The following DENND1A variants were observed in gnomAD, a reference collection of about 807,000 sequenced individuals.
DENND1A encodes the protein DENN domain-containing protein 1A.
In DENND1A, 51 loss-of-function variants were observed where a neutral mutation model predicts 113.7. The ratio of observed to expected loss-of-function variants is 0.45; its 90% CI spans 0.36 to 0.57. The LOEUF (loss-of-function observed/expected upper bound fraction) is 0.57, where lower values mean the gene tolerates loss of function less well. DENND1A is among the 20% of genes least tolerant of loss of function. The probability of loss-of-function intolerance (pLI) is 0.00; values close to 1 mark genes in which losing one functional copy is unlikely to be tolerated. For missense variants in DENND1A, 1,258 were observed against 1,395.9 expected (o/e 0.90, Z 1.57); for synonymous variants, 565 against 570.8 (o/e 0.99, Z 0.14).
chr9:123,698,963 G>C (rs1052611523), intron 5 of DENND1A, among the ~76,000 whole-genome samples: 4 of 152,250 alleles, frequency 2.6e-5, no homozygotes, highest in Non-Finnish European at 5.9e-5. Context: ...ACTATAAAAA[G>C]CCTAAAGAAT....
chr9:123,644,378 CAAA>C (rs10541486), intron 9 of DENND1A, among the ~76,000 whole-genome samples: 9,256 of 83,906 alleles, frequency 0.11, 106 homozygotes, highest in South Asian at 0.19. Flanking sequence ...TTACAAGCTA[CAAA>C]AAAAAAAAAA....
At chr9:123,708,817 C>G (rs1026768115) in intron 5 of DENND1A, among the ~76,000 whole-genome samples, 1 of 152,120 alleles carries the variant, frequency 6.6e-6, no homozygotes, top group African/African-American at 2.4e-5. Flanking sequence ...TTCTCAGTAC[C>G]TAAGACTTGA....
intron 12 of DENND1A, among the ~76,000 whole-genome samples, chr9:123,569,314 G>A (rs892076351): frequency 6.6e-6 from 1 of 152,042 alleles, no homozygotes; most frequent in African/African-American, 2.4e-5. Context: ...AAACAGACCT[G>A]GGAAAAACAG....
intron 13 of DENND1A, among the ~76,000 whole-genome samples, chr9:123,540,660 C>T (rs1410099885): frequency 3.9e-5 from 6 of 152,224 alleles, no homozygotes; most frequent in African/African-American, 1.4e-4. Flanking sequence ...TGGCAAGATG[C>T]TTTCTGCATC....
chr9:123,724,801 G>A (rs928801370), intron 5 of DENND1A, among the ~76,000 whole-genome samples: 1 of 152,118 alleles, frequency 6.6e-6, no homozygotes, highest in African/African-American at 2.4e-5. Flanking sequence ...ATTCTCAAAC[G>A]ATTCAAGCTG....
chr9:123,710,335 TA>T, intron 5 of DENND1A, among the ~76,000 whole-genome samples: 1 of 152,332 alleles, frequency 6.6e-6, no homozygotes, highest in East Asian at 1.9e-4. Flanking sequence ...ACACACCATG[TA>T]ATAAGAGTTT....
chr9:123,484,724 T>C (rs1238651822), intron 13 of DENND1A, among the ~76,000 whole-genome samples: 1 of 152,202 alleles, frequency 6.6e-6, no homozygotes, highest in African/African-American at 2.4e-5. Flanking sequence ...CTGTTGTTAC[T>C]CACATAGTCC....
intron 2 of DENND1A, among the ~76,000 whole-genome samples, chr9:123,840,768 C>T (rs965545192): frequency 6.6e-6 from 1 of 152,152 alleles, no homozygotes; most frequent in Non-Finnish European, 1.5e-5. Flanking sequence ...GACTCAGCAC[C>T]GCCTGTTACT....
At chr9:123,778,145 G>GA (rs937408290) in intron 3 of DENND1A, among the ~76,000 whole-genome samples, 2 of 151,664 alleles carry the variant, frequency 1.3e-5, no homozygotes, top group African/African-American at 4.8e-5. Flanking sequence ...TTTGCAAGTA[G>GA]AAAAAAAAGT....
At chr9:123,873,621 C>T (rs2133458815) in intron 2 of DENND1A, among the ~76,000 whole-genome samples, 1 of 152,266 alleles carries the variant, frequency 6.6e-6, no homozygotes, top group Non-Finnish European at 1.5e-5. Context: ...TTTAGTTTCC[C>T]AATTTTTAAA....
chr9:123,645,922 T>C (rs947202666), intron 9 of DENND1A, among the ~76,000 whole-genome samples: 2 of 152,170 alleles, frequency 1.3e-5, no homozygotes, highest in Admixed American at 6.5e-5. Flanking sequence ...CCTTTGCAAA[T>C]GAACTGTTAT....
chr9:123,518,943 C>T (rs769473809), intron 13 of DENND1A, among the ~76,000 whole-genome samples: 4 of 152,228 alleles, frequency 2.6e-5, no homozygotes, highest in Non-Finnish European at 5.9e-5. Flanking sequence ...TTTCTATGGC[C>T]TCTAAAACCT....
intron 13 of DENND1A, among the ~76,000 whole-genome samples, chr9:123,542,598 A>G (rs1313834751): frequency 1.3e-5 from 2 of 152,126 alleles, no homozygotes; most frequent in Non-Finnish European, 1.5e-5. Context: ...CTCCCAGATC[A>G]GCTGGTTTCC....
chr9:123,653,626 A>G (rs1417673543), intron 8 of DENND1A, among the ~76,000 whole-genome samples: 1 of 152,204 alleles, frequency 6.6e-6, no homozygotes, highest in African/African-American at 2.4e-5. Flanking sequence ...CAGTAAGTGG[A>G]TGTGACATGA....
Position 123,836,585 on chromosome 9 carries a change from AT to A in DENND1A, c.88+42365del, listed in dbSNP as rs563948977. ...CCAAAAAGGTGGTTAAGTAAAATAT[AT>A]TATAGTTTGAGTCTAAGTTTTTCAT... is the stretch of plus-strand genomic sequence containing the variant. On this transcript the variant is annotated intron_variant, in intron 2 of 23. Transcript: ENST00000394215. 2.0e-5 allele frequency among the ~76,000 whole-genome samples: 3 copies of A among 152,332 alleles called. No homozygotes were observed. In the East Asian group the frequency reaches 5.8e-4, roughly 29 times the overall value.
chr9:123,593,621 C>A (rs1437177198), intron 11 of DENND1A, among the ~76,000 whole-genome samples: 4 of 152,120 alleles, frequency 2.6e-5, no homozygotes, highest in Non-Finnish European at 5.9e-5. Context: ...TACTATATGT[C>A]CCCTGTAAGT....
intron 13 of DENND1A, among the ~76,000 whole-genome samples, chr9:123,520,898 T>A (rs1448730505): frequency 6.6e-6 from 1 of 152,240 alleles, no homozygotes; most frequent in Non-Finnish European, 1.5e-5. Context: ...GAGAAAAACC[T>A]TGCTGTTAGT....
chr9:123,921,506 C>G (rs1856246907), intron 1 of DENND1A, among the ~76,000 whole-genome samples: 2 of 152,180 alleles, frequency 1.3e-5, no homozygotes, highest in Admixed American at 1.3e-4. Flanking sequence ...TTCATACAGC[C>G]TATGCGAGAT....
At chr9:123,460,064 G>A (rs563954983) in intron 13 of DENND1A, among the ~76,000 whole-genome samples, 1 of 152,334 alleles carries the variant, frequency 6.6e-6, no homozygotes, top group Admixed American at 6.5e-5. Context: ...AGCTGGGTAT[G>A]TATGTCCTAT....
Sources: gnomAD v4.1 joint callset for allele counts (sites outside exome capture counted in the v4.1 genomes callset) on GRCh38, gnomAD v4.1.1 for gene constraint, MANE v1.5 for transcripts, NCBI Gene and HGNC (gene_info 2026-07-23, HGNC 2026-07-21) for gene names.